The following KCNH5 variants were observed in gnomAD, a reference collection of about 807,000 sequenced individuals.
KCNH5 encodes potassium voltage-gated channel subfamily H member 5.
KCNH5 carries 46 observed loss-of-function variants against 96.1 expected under a neutral mutation model. The ratio of observed to expected loss-of-function variants is 0.48; its 90% CI spans 0.38 to 0.61. The LOEUF (loss-of-function observed/expected upper bound fraction) is 0.61. Among genes scored for constraint, KCNH5 ranks in the 20% least tolerant of loss-of-function variants. The probability of loss-of-function intolerance (pLI) is 0.00; values close to 1 mark genes in which losing one functional copy is unlikely to be tolerated. For synonymous variants in KCNH5, 439 were observed against 449.8 expected, an observed-to-expected ratio of 0.98 and a Z score of 0.30; for missense variants, 907 against 1,225.8, an observed-to-expected ratio of 0.74 and a Z score of 3.88.
intron 8 of KCNH5, among the ~76,000 whole-genome samples, chr14:62,834,318 C>T (rs1887421952): frequency 6.6e-6 from 1 of 151,926 alleles, no homozygotes; most frequent in African/African-American, 2.4e-5. Context: ...ATTTATGTGT[C>T]TTTCTGAACT....
chr14:62,951,895 G>A (rs538958799), intron 6 of KCNH5, among the ~76,000 whole-genome samples: 58 of 150,232 alleles, frequency 3.9e-4, no homozygotes, highest in Non-Finnish European at 6.9e-4. Flanking sequence ...CCTGGGAGAC[G>A]GAGGGTGCAG....
intron 9 of KCNH5, among the ~76,000 whole-genome samples, chr14:62,798,391 G>A (rs1167133428): frequency 6.6e-6 from 1 of 152,168 alleles, no homozygotes; most frequent in African/African-American, 2.4e-5. Context: ...CAATATACTT[G>A]TCAAGACATT....
At chr14:62,891,521 G>A (rs1888711152) in intron 7 of KCNH5, among the ~76,000 whole-genome samples, 1 of 151,868 alleles carries the variant, frequency 6.6e-6, no homozygotes, top group Non-Finnish European at 1.5e-5. Context: ...GTTTACCTAT[G>A]TAACAAACCT....
chr14:62,968,167 T>C (rs1299287200), intron 6 of KCNH5, among the ~76,000 whole-genome samples: 1 of 152,184 alleles, frequency 6.6e-6, no homozygotes, highest in Non-Finnish European at 1.5e-5. Context: ...CCACCAGGAA[T>C]AGAATTTAAA....
At chr14:62,949,954 G>A (rs931827604) in intron 7 of KCNH5, 179 bp downstream of exon 7, 5 of 589,676 alleles carry the variant, frequency 8.5e-6, no homozygotes, top group Non-Finnish European at 1.5e-5. Flanking sequence ...ATGTCCTGAA[G>A]AGTAAAATAT....
At chr14:62,989,381 T>A (rs150907564) in intron 4 of KCNH5, among the ~76,000 whole-genome samples, 165 of 152,128 alleles carry the variant, frequency 1.1e-3, no homozygotes, top group African/African-American at 3.8e-3. Context: ...CAATAGCAAA[T>A]CAAATAAAGA....
intron 7 of KCNH5, among the ~76,000 whole-genome samples, chr14:62,940,983 A>G (rs1238971077): frequency 6.6e-6 from 1 of 152,204 alleles, no homozygotes; most frequent in Non-Finnish European, 1.5e-5. Flanking sequence ...GGATGAAGGC[A>G]GAGGTGGACA....
chr14:62,761,512 C>A (rs1246889288), intron 10 of KCNH5, among the ~76,000 whole-genome samples: 1 of 151,986 alleles, frequency 6.6e-6, no homozygotes, highest in Non-Finnish European at 1.5e-5. Flanking sequence ...AGATTCAATT[C>A]AAAAAGTGAA....
At chr14:62,819,001 C>G (rs979698620) in intron 8 of KCNH5, among the ~76,000 whole-genome samples, 1 of 152,116 alleles carries the variant, frequency 6.6e-6, no homozygotes. Flanking sequence ...GAGTCTCGCT[C>G]TGTCACCCAG....
At chr14:62,971,405 C>G (rs1890405354) in intron 6 of KCNH5, among the ~76,000 whole-genome samples, 1 of 152,040 alleles carries the variant, frequency 6.6e-6, no homozygotes. Context: ...GATAGTAAGA[C>G]TCAATATTGT....
chr14:62,817,885 A>T (rs958704390), intron 8 of KCNH5, among the ~76,000 whole-genome samples: 2 of 46,140 alleles, frequency 4.3e-5, no homozygotes, highest in Non-Finnish European at 7.8e-5. Context: ...AATAGCCATA[A>T]ATATAAATAT....
chr14:62,724,376 A>G (rs10483754), intron 10 of KCNH5, among the ~76,000 whole-genome samples: 64,886 of 151,962 alleles, frequency 0.43, 14,427 homozygotes, highest in Non-Finnish European at 0.5. Context: ...AGCTCTATCT[A>G]TCTTTGAATA....
At chr14:62,812,103 A>G (rs938868369) in intron 8 of KCNH5, among the ~76,000 whole-genome samples, 1 of 152,198 alleles carries the variant, frequency 6.6e-6, no homozygotes, top group Non-Finnish European at 1.5e-5. Flanking sequence ...CCAGCTATTA[A>G]GCTACGCTCC....
At position 62,967,367 on chromosome 14, in the gene KCNH5, C is replaced by G. The variant is rs570170271; in HGVS notation, c.942+13505G>C. Among the ~76,000 whole-genome samples the G allele has an allele frequency of 1.2e-4, 18 of 152,048 alleles. 1 individual carries two copies. The highest frequency in any genetic ancestry group is 4.3e-4 in the African/African-American group (18 of 41,468). On this transcript the variant is annotated intron_variant, in intron 6 of 10. Transcript: ENST00000322893. The stretch of plus-strand genomic sequence containing the variant: ...TGAGTGCTGAGATTACAGGCATTAG[C>G]CACCATGCCCAGCCCTTTTTTTCTA...
intron 5 of KCNH5, among the ~76,000 whole-genome samples, chr14:62,986,209 C>T (rs1566731122): frequency 2.0e-5 from 3 of 152,098 alleles, no homozygotes; most frequent in Admixed American, 6.6e-5. Flanking sequence ...GCCTTGGATC[C>T]CTATGGCAAT....
At chr14:62,776,782 C>T (rs1324989531) in intron 10 of KCNH5, among the ~76,000 whole-genome samples, 2 of 152,192 alleles carry the variant, frequency 1.3e-5, no homozygotes, top group African/African-American at 4.8e-5. Flanking sequence ...GTAGGAAGAG[C>T]TATATTCGCA....
intron 1 of KCNH5, among the ~76,000 whole-genome samples, chr14:63,033,325 T>C (rs536416261): frequency 6.6e-6 from 1 of 152,364 alleles, no homozygotes; most frequent in South Asian, 2.1e-4. Flanking sequence ...CGCTAGTGTT[T>C]AAGCTTCACA....
chr14:62,877,818 C>G (rs1313411448), intron 7 of KCNH5, among the ~76,000 whole-genome samples: 1 of 151,806 alleles, frequency 6.6e-6, no homozygotes, highest in East Asian at 1.9e-4. Context: ...CTTGAAATAC[C>G]ATTTGATCCA....
chr14:62,956,431 C>G (rs556798378), intron 6 of KCNH5, among the ~76,000 whole-genome samples: 46 of 152,222 alleles, frequency 3.0e-4, no homozygotes, highest in Non-Finnish European at 4.7e-4. Context: ...CTACTAATCA[C>G]TAGGTGGTTC....
Sources: allele counts gnomAD v4.1 joint callset (sites outside exome capture counted in the v4.1 genomes callset), GRCh38; gene constraint gnomAD v4.1.1; transcripts MANE v1.5; gene names NCBI Gene and HGNC (gene_info 2026-07-23, HGNC 2026-07-21).